PLD5: variants seen among roughly 807,000 people sequenced by gnomAD.
PLD5 encodes inactive phospholipase D5.
PLD5 carries 36 observed loss-of-function variants against 61.1 expected under a neutral mutation model. The observed-to-expected ratio is 0.59, with a 90% CI of 0.45 to 0.78. The LOEUF (loss-of-function observed/expected upper bound fraction) is 0.78, where lower values mean the gene tolerates loss of function less well. Among genes scored for constraint, PLD5 ranks in the 30% least tolerant of loss-of-function variants. The probability of loss-of-function intolerance (pLI) is 0.00; values close to 1 mark genes in which losing one functional copy is unlikely to be tolerated. For synonymous variants in PLD5, 243 were observed against 242.8 expected (o/e 1.00, Z -0.01); for missense variants, 515 against 644.4 (o/e 0.80, Z 2.17).
chr1:242,101,781 T>TA (rs1660713663), intron 8 of PLD5, among the ~76,000 whole-genome samples: 1 of 152,176 alleles, frequency 6.6e-6, no homozygotes, highest in Admixed American at 6.5e-5. Context: ...CCCCCTCCCC[T>TA]AGCGTGGTAG....
At chr1:242,473,698 T>C (rs1393577690) in intron 1 of PLD5, among the ~76,000 whole-genome samples, 2 of 152,220 alleles carry the variant, frequency 1.3e-5, no homozygotes, top group African/African-American at 2.4e-5. Context: ...ATTAGTAGGA[T>C]ACCAGCAAGA....
intron 5 of PLD5, among the ~76,000 whole-genome samples, chr1:242,192,734 G>A (rs956234030): frequency 6.6e-6 from 1 of 151,892 alleles, no homozygotes; most frequent in Non-Finnish European, 1.5e-5. Context: ...TATTGAAGAT[G>A]TTGAAGTTCT....
intron 1 of PLD5, among the ~76,000 whole-genome samples, chr1:242,500,154 C>T (rs1207381975): frequency 6.6e-6 from 1 of 152,124 alleles, no homozygotes; most frequent in African/African-American, 2.4e-5. Context: ...TTGGTCAAAG[C>T]AGTCATAGGG....
chr1:242,396,038 GA>G (rs1019414686), intron 1 of PLD5, among the ~76,000 whole-genome samples: 8 of 151,814 alleles, frequency 5.3e-5, no homozygotes, highest in Non-Finnish European at 1.0e-4. Context: ...ATAAGAATGA[GA>G]CTCCATCTCA....
At chr1:242,384,696 G>A (rs952534667) in intron 1 of PLD5, among the ~76,000 whole-genome samples, 1 of 152,114 alleles carries the variant, frequency 6.6e-6, no homozygotes, top group Non-Finnish European at 1.5e-5. Context: ...TCATTTGTTT[G>A]GATAGCCAGT....
At chr1:242,126,904 C>G (rs1226404380) in intron 5 of PLD5, among the ~76,000 whole-genome samples, 1 of 152,114 alleles carries the variant, frequency 6.6e-6, no homozygotes, top group Non-Finnish European at 1.5e-5. Context: ...TCTTCACAAT[C>G]TATACATCTG....
At chr1:242,171,966 T>C (rs1356113117) in intron 5 of PLD5, among the ~76,000 whole-genome samples, 1 of 152,206 alleles carries the variant, frequency 6.6e-6, no homozygotes, top group African/African-American at 2.4e-5. Context: ...AACACCCCAC[T>C]GTCAATATTA....
chr1:242,201,321 A>G (rs1668972116), intron 5 of PLD5, among the ~76,000 whole-genome samples: 1 of 152,244 alleles, frequency 6.6e-6, no homozygotes, highest in Admixed American at 6.5e-5. Context: ...TTATGGGCAT[A>G]AAAGTAATAT....
At chr1:242,216,530 T>C (rs969841730) in intron 5 of PLD5, among the ~76,000 whole-genome samples, 2 of 152,242 alleles carry the variant, frequency 1.3e-5, no homozygotes, top group African/African-American at 4.8e-5. Flanking sequence ...AGGTGCATAA[T>C]TGCTCTCTAC....
Position 242,085,886 on chromosome 1 carries a change from A to AAG in PLD5, c.*3966_*3967dup, listed in dbSNP as rs1659424920. ...TGGTCATACGTGTGGAAAAAAAAAA[A>AAG]AGTTAATTGTAGGATAGAATTCCTG... is the stretch of plus-strand genomic sequence containing the variant. On this transcript the variant is annotated 3_prime_UTR_variant, in exon 10 of 10. Coordinates refer to ENST00000536534, the MANE Select transcript of PLD5 (RefSeq NM_001372062.1). 2 of 151,934 alleles carry AAG rather than the reference A, an allele frequency of 1.3e-5. No homozygotes were observed. The highest frequency in any genetic ancestry group is 1.3e-4 in the Admixed American group (2 of 15,240). 9.4% of individuals were successfully genotyped at this position (151,934 alleles called of 1,614,324 possible).
intron 5 of PLD5, among the ~76,000 whole-genome samples, chr1:242,190,678 TGGA>T (rs1034123056): frequency 8.6e-5 from 13 of 151,610 alleles, no homozygotes; most frequent in Non-Finnish European, 1.9e-4. Flanking sequence ...GCCCAGGAGT[TGGA>T]GATCAGGCTG....
At position 242,524,246 on chromosome 1, in the gene PLD5, C is replaced by T. The variant is rs1224242288; in HGVS notation, c.31G>A (p.Ala11Thr). The T allele has an allele frequency of 3.3e-6, 5 of 1,498,286 alleles. No homozygotes were observed. Among genetic ancestry groups the T allele is most frequent in the Non-Finnish European group, 4.4e-6 (5 of 1,128,658 alleles). 92.8% of individuals were successfully genotyped at this position (1,498,286 alleles called of 1,614,324 possible). A position where few individuals can be genotyped will look rare whatever the true frequency, so the allele number is the denominator to read the frequency against. Residue 11 changes from alanine (A) to threonine (T), a missense_variant, in exon 1 of 10, where the codon GCC (alanine) becomes ACC (threonine). Ala to Thr is a moderately conservative substitution (Grantham distance 58, BLOSUM62 0). Around this residue, in one of 2 missense-constraint regions of PLD5, gnomAD observed 65 missense variants for 46.3 expected, o/e 1.40. Transcript: ENST00000536534. MEIRQHEWLS[A>T]SPHEGFEQMR... ...TGCTCGAAGCCCTCATGGGGGGAGG[C>T]CGAGAGCCACTCGTGCTGCCGGATC...
chr1:242,323,550 G>C (rs770448488), intron 2 of PLD5, among the ~76,000 whole-genome samples: 29 of 152,120 alleles, frequency 1.9e-4, no homozygotes, highest in Non-Finnish European at 2.9e-5. Flanking sequence ...ATATTTATCA[G>C]GAGTTATTCT....
Position 242,113,084 on chromosome 1 carries a change from C to CTTTTTT in PLD5, c.1070+800_1070+805dup, listed in dbSNP as rs71570931. 8.5e-3 allele frequency among the ~76,000 whole-genome samples: 939 copies of CTTTTTT among 110,486 alleles called. 7 individuals are homozygous for CTTTTTT. The highest frequency in any genetic ancestry group is 0.011 in the Non-Finnish European group (621 of 55,768). The allele number at this position is 110,486 out of a possible 152,430, so 72.5% of individuals were successfully genotyped here. A position where few individuals can be genotyped will look rare whatever the true frequency, so the allele number is the denominator to read the frequency against. On this transcript the variant is annotated intron_variant, in intron 7 of 9. Transcript: ENST00000536534. Reference sequence around the variant, plus strand: ...ATTTGAAGTTTCTTTCTCTCTCTCTCTTTTTTTTTTTTTTTTTTTTTTTGA... The same window carrying CTTTTTT: ...ATTTGAAGTTTCTTTCTCTCTCTCTCTTTTTTTTTTTTTTTTTTTTTTTTTTTTTGA...
chr1:242,524,155 T>C lies in PLD5; in HGVS notation c.122A>G (p.Tyr41Cys). 6.5e-7 allele frequency: 1 copy of C among 1,535,506 alleles called. No individual in the cohort carries two copies. The highest frequency in any genetic ancestry group is 8.7e-7 in the Non-Finnish European group (1 of 1,146,578). The change falls in exon 1 of 10, where the codon TAC becomes TGC. Residue 41 changes from tyrosine (Y) to cysteine (C), a missense_variant. Physicochemically the swap from Tyr to Cys is radical, Grantham distance 194 (BLOSUM62 -2). Coordinates refer to ENST00000536534, the MANE Select transcript of PLD5 (RefSeq NM_001372062.1). ...GTAGTCCTGCTGCTTGACGCTGCTG[T>C]AGAAGTTCGCGCCCACTCGGGTCAG... ...PSLTRVGANFYSSVKQQDYSA... is the reference protein window; with the variant it reads ...PSLTRVGANFCSSVKQQDYSA...
chr1:242,512,443 G>T (rs1242943894), intron 1 of PLD5, among the ~76,000 whole-genome samples: 1 of 150,288 alleles, frequency 6.7e-6, no homozygotes, highest in African/African-American at 2.5e-5. Flanking sequence ...ATAGTATTTT[G>T]GTGGGTTTGA....
intron 3 of PLD5, among the ~76,000 whole-genome samples, chr1:242,282,848 C>T (rs1235167582): frequency 6.6e-6 from 1 of 152,172 alleles, no homozygotes. Flanking sequence ...ATCATCCAGA[C>T]AGAAACAAAA....
chr1:242,155,854 G>A (rs1025749416), intron 5 of PLD5, among the ~76,000 whole-genome samples: 2 of 152,154 alleles, frequency 1.3e-5, no homozygotes, highest in Non-Finnish European at 1.5e-5. Context: ...TTCTGTAGAT[G>A]TCTAATTAGG....
At chr1:242,445,584 C>T (rs909368077) in intron 1 of PLD5, among the ~76,000 whole-genome samples, 1 of 152,020 alleles carries the variant, frequency 6.6e-6, no homozygotes, top group African/African-American at 2.4e-5. Context: ...TCAGGCCATC[C>T]ACCCGCCTCG....
Sources: gnomAD v4.1 joint callset for allele counts (sites outside exome capture counted in the v4.1 genomes callset) on GRCh38, gnomAD v4.1.1 for gene constraint, gnomAD v4.1.1 regional missense constraint, MANE v1.5 for transcripts, NCBI Gene and HGNC (gene_info 2026-07-23, HGNC 2026-07-21) for gene names.